The following FHAD1 variants were observed in gnomAD, a reference collection of about 807,000 sequenced individuals.
The protein encoded by FHAD1 is forkhead-associated domain-containing protein 1.
A neutral mutation model predicts 191.3 loss-of-function variants in FHAD1; 146 were observed. The ratio of observed to expected loss-of-function variants is 0.76; its 90% CI spans 0.67 to 0.88. The LOEUF is 0.88. FHAD1 is among the 40% of genes least tolerant of loss of function. The probability of loss-of-function intolerance (pLI) is 0.00; values close to 1 mark genes in which losing one functional copy is unlikely to be tolerated. For synonymous variants in FHAD1, 616 were observed against 672.3 expected (o/e 0.92, Z 1.29); for missense variants, 1,635 against 1,785.8 (o/e 0.92, Z 1.52).
Position 15,316,452 on chromosome 1 carries a change from A to G in FHAD1, c.1245A>G (p.Leu415=), listed in dbSNP as rs1264663738. The change falls in exon 9 of 34, where the codon TTA becomes TTG. Residue 415 remains leucine (L), a synonymous_variant. Coordinates refer to ENST00000688493, the MANE Select transcript of FHAD1 (RefSeq NM_001391957.1). The surrounding 1 kb of genome is among the most constrained non-coding windows in gnomAD (Gnocchi z 4.3). ...TCAGGGAAGCCCAGGAGAAAGAGTT[A>G]AAACTCTGCAAAACCGTGAGTTGAG... The part of the protein sequence containing the change: ...RELREAQEKE[L]KLCKTQIQDM... 1.9e-6 allele frequency: 3 copies of G among 1,551,598 alleles called. No homozygotes were observed. The highest frequency in any genetic ancestry group is 2.6e-6 in the Non-Finnish European group (3 of 1,146,992).
intron 2 of FHAD1, among the ~76,000 whole-genome samples, chr1:15,259,463 G>A (rs532857569): frequency 2.6e-4 from 40 of 152,202 alleles, no homozygotes; most frequent in Non-Finnish European, 4.7e-4. Context: ...CTGATGCAAC[G>A]CTTCTACTCA....
intron 6 of FHAD1, among the ~76,000 whole-genome samples, chr1:15,306,662 C>T (rs1282767568): frequency 6.6e-6 from 1 of 152,242 alleles, no homozygotes; most frequent in Non-Finnish European, 1.5e-5. Flanking sequence ...AGAGCTTGGG[C>T]TGTGGCTTCA....
intron 3 of FHAD1, among the ~76,000 whole-genome samples, chr1:15,286,616 C>T (rs909855076): frequency 6.6e-6 from 1 of 152,224 alleles, no homozygotes; most frequent in Non-Finnish European, 1.5e-5. Context: ...TTCTGGTGTC[C>T]AGCCTAGTCT....
chr1:15,242,322 G>T (rs1557889722), upstream of FHAD1, among the ~76,000 whole-genome samples: 1 of 151,418 alleles, frequency 6.6e-6, no homozygotes, highest in Non-Finnish European at 1.5e-5. Flanking sequence ...CCATGTGCAA[G>T]ATTTGTAACT....
chr1:15,285,970 A>G (rs1012365315), intron 3 of FHAD1, among the ~76,000 whole-genome samples: 2 of 152,246 alleles, frequency 1.3e-5, no homozygotes, highest in African/African-American at 4.8e-5. Flanking sequence ...TGTTGTATGA[A>G]TCCACTTATA....
At chr1:15,281,777 A>G (rs1660700762) in intron 3 of FHAD1, among the ~76,000 whole-genome samples, 2 of 151,460 alleles carry the variant, frequency 1.3e-5, no homozygotes, top group South Asian at 4.2e-4. Context: ...AAAAAAAAAA[A>G]AAAAAAAGGA....
chr1:15,302,748 A>G (rs895977308), intron 6 of FHAD1, among the ~76,000 whole-genome samples: 1 of 152,094 alleles, frequency 6.6e-6, no homozygotes, highest in African/African-American at 2.4e-5. Context: ...GTGATATTGT[A>G]TATCAGTCAA....
intron 10 of FHAD1, among the ~76,000 whole-genome samples, chr1:15,323,552 C>T (rs1677091829): frequency 6.6e-6 from 1 of 152,170 alleles, no homozygotes; most frequent in African/African-American, 2.4e-5. Context: ...TGTGTGACCC[C>T]TCTCTAGCCC....
At chr1:15,302,129 G>A (rs185782372) in intron 6 of FHAD1, among the ~76,000 whole-genome samples, 33 of 152,298 alleles carry the variant, frequency 2.2e-4, no homozygotes, top group Non-Finnish European at 3.5e-4. Flanking sequence ...CCGCCTTCTC[G>A]CAGACCCCAT....
intron 1 of FHAD1, 72 bp from the exon 2 acceptor site, chr1:15,251,699 T>A (rs1622686): frequency 8.4e-7 from 1 of 1,183,796 alleles, no homozygotes; most frequent in South Asian, 1.5e-5. Context: ...TTCATTCATT[T>A]TAAGTATGAT....
Position 15,329,811 on chromosome 1 carries a change from G to A in FHAD1, c.1906+270G>A, listed in dbSNP as rs916431126. ...TCGAAATTATGCAAAGTCTAATTAC[G>A]CTGTTTAACCTCCAAGGCATTTTCC... On this transcript the variant is annotated intron_variant, in intron 14 of 33. Coordinates refer to ENST00000688493, the MANE Select transcript of FHAD1 (RefSeq NM_001391957.1). The surrounding 1 kb of genome is among the most constrained non-coding windows in gnomAD (Gnocchi z 5.0). 3.5e-5 allele frequency: 16 copies of A among 452,748 alleles called. No individual in the cohort carries two copies. The highest frequency in any genetic ancestry group is 1.8e-4 in the African/African-American group (9 of 51,218). The allele number at this position is 452,748 out of a possible 1,614,324, so 28.0% of individuals were successfully genotyped here.
In FHAD1 at chr1:15,356,374, AG is replaced by A. The variant is rs34757443; in HGVS notation, c.2563-1735del. ...CGGTTATAGCCCTTTGGTTGGTTAC[AG>A]CTTGCTACATTCCTGGGAAAATTGC... is the stretch of plus-strand genomic sequence containing the variant. On this transcript the variant is annotated intron_variant, in intron 20 of 33. Coordinates refer to ENST00000688493, the MANE Select transcript of FHAD1 (RefSeq NM_001391957.1). Among the ~76,000 whole-genome samples, 1,316 of 152,288 alleles carry A rather than the reference AG, an allele frequency of 8.6e-3. 6 individuals are homozygous for A. The highest frequency in any genetic ancestry group is 0.011 in the Non-Finnish European group (716 of 68,008).
chr1:15,401,330 A>G (rs1434386665), downstream of FHAD1, among the ~76,000 whole-genome samples: 1 of 152,206 alleles, frequency 6.6e-6, no homozygotes, highest in Non-Finnish European at 1.5e-5. Context: ...GGCATTTACT[A>G]CGACGCTCTG....
At position 15,381,326 on chromosome 1, in the gene FHAD1, G is replaced by A. The variant is rs1570493745; in HGVS notation, c.3897G>A (p.Glu1299=). 1.3e-6 allele frequency: 2 copies of A among 1,551,682 alleles called. No individual in the cohort carries two copies. The highest frequency in any genetic ancestry group is 1.2e-5 in the South Asian group (1 of 84,062). Residue 1299 remains glutamate (E), a synonymous_variant, in exon 30 of 34, where the codon GAG becomes GAA. Coordinates refer to ENST00000688493, the MANE Select transcript of FHAD1 (RefSeq NM_001391957.1). The surrounding 1 kb of genome is among the most constrained non-coding windows in gnomAD (Gnocchi z 4.6). ...AATACCTCTCCCGCCAGGAGAGGGA[G>A]AAGGTCAACCAGCTTCGACAAAGGG... ...SMKYLSRQER[E]KVNQLRQRDL... is the part of the protein sequence containing the mutation.
chr1:15,346,332 A>G (rs1479501079), intron 18 of FHAD1, among the ~76,000 whole-genome samples: 1 of 152,230 alleles, frequency 6.6e-6, no homozygotes, highest in African/African-American at 2.4e-5. Context: ...TCAGATTTCC[A>G]GCCTCTCCCG....
At chr1:15,368,129 G>A (rs939490984) in intron 25 of FHAD1, among the ~76,000 whole-genome samples, 1 of 152,046 alleles carries the variant, frequency 6.6e-6, no homozygotes, top group Non-Finnish European at 1.5e-5. Context: ...GAGCCACCAG[G>A]CCTGGCTAAT....
chr1:15,298,167 G>A (rs1667542029), intron 5 of FHAD1, among the ~76,000 whole-genome samples: 1 of 152,106 alleles, frequency 6.6e-6, no homozygotes, highest in Non-Finnish European at 1.5e-5. Context: ...AGAAACTGTG[G>A]TATATATATT....
chr1:15,329,645 C>A lies in FHAD1; in HGVS notation c.1906+104C>A. ...TGAGGAAGTCTTCCTGGGTATCTGG[C>A]CAAGTCTATTCCCTTCTCCAGAACC... On this transcript the variant is annotated intron_variant, in intron 14 of 33. Coordinates refer to ENST00000688493, the MANE Select transcript of FHAD1 (RefSeq NM_001391957.1). This position sits in a 1 kb window ranked among gnomAD's most constrained non-coding sequence, Gnocchi z 5.0. The A allele has an allele frequency of 9.2e-7, 1 of 1,086,194 alleles. No individual in the cohort carries two copies. The highest frequency in any genetic ancestry group is 1.3e-6 in the Non-Finnish European group (1 of 741,180). 67.3% of individuals were successfully genotyped at this position (1,086,194 alleles called of 1,614,324 possible).
At chr1:15,387,925 C>T (rs915542748) in intron 31 of FHAD1, 126 bp from the exon 32 acceptor site, 4 of 409,298 alleles carry the variant, frequency 9.8e-6, no homozygotes, top group Admixed American at 6.0e-5. Flanking sequence ...GATCCCTTAT[C>T]TTCTGCCCAC....
Sources: gnomAD v4.1 joint callset for allele counts (sites outside exome capture counted in the v4.1 genomes callset) on GRCh38, gnomAD v4.1.1 for gene constraint, Gnocchi (gnomAD v3.1) non-coding constraint, MANE v1.5 for transcripts, NCBI Gene and HGNC (gene_info 2026-07-23, HGNC 2026-07-21) for gene names.